Variants in EFR3B observed in about 807,000 individuals in gnomAD.
The protein encoded by EFR3B is protein EFR3 homolog B.
A neutral mutation model predicts 104.7 loss-of-function variants in EFR3B; 64 were observed. The ratio of observed to expected loss-of-function variants is 0.61; its 90% CI spans 0.50 to 0.75. The LOEUF (loss-of-function observed/expected upper bound fraction) is 0.75, where lower values mean the gene tolerates loss of function less well. Ranked by LOEUF, EFR3B falls within the 30% of genes least tolerant of loss-of-function variation. EFR3B has a pLI of 0.00. For synonymous variants in EFR3B, 385 were observed against 417.9 expected (o/e 0.92, Z 0.96); for missense variants, 750 against 1,078.5 (o/e 0.70, Z 4.27).
chr2:25,058,762 G>GCC (rs1471096806), intron 1 of EFR3B, among the ~76,000 whole-genome samples: 2 of 114,734 alleles, frequency 1.7e-5, no homozygotes, highest in Admixed American at 8.0e-5. Context: ...CTGTCTCCCC[G>GCC]CGCCCCCCCC....
intron 1 of EFR3B, chr2:25,080,637 A>T: frequency 1.7e-6 from 1 of 599,004 alleles, no homozygotes; most frequent in Non-Finnish European, 3.0e-6. Flanking sequence ...CCAAACCAGC[A>T]CCATTTACTA....
chr2:25,139,984 G>A (rs1387344259), intron 16 of EFR3B, among the ~76,000 whole-genome samples: 1 of 152,172 alleles, frequency 6.6e-6, no homozygotes, highest in Admixed American at 6.6e-5. Context: ...AGTGCTTAGA[G>A]GTTGAATGAT....
chr2:25,113,281 AT>A (rs1312512629), intron 4 of EFR3B, among the ~76,000 whole-genome samples: 2 of 152,260 alleles, frequency 1.3e-5, no homozygotes, highest in Non-Finnish European at 2.9e-5. Flanking sequence ...ATGATCTTTC[AT>A]GATCTCATGC....
intron 19 of EFR3B, among the ~76,000 whole-genome samples, chr2:25,148,065 C>T (rs963339878): frequency 6.1e-5 from 9 of 147,802 alleles, no homozygotes; most frequent in Non-Finnish European, 1.2e-4. Context: ...ATGAGTAAAT[C>T]GTAGGTCTAA....
At chr2:25,059,381 GCCAA>G (rs1668116660) in intron 1 of EFR3B, among the ~76,000 whole-genome samples, 1 of 152,034 alleles carries the variant, frequency 6.6e-6, no homozygotes, top group Non-Finnish European at 1.5e-5. Context: ...ACCACACCCG[GCCAA>G]TATTCAGTCT....
At chr2:25,084,581 C>T (rs893806013) in intron 1 of EFR3B, among the ~76,000 whole-genome samples, 13 of 152,036 alleles carry the variant, frequency 8.6e-5, no homozygotes, top group Admixed American at 7.2e-4. Flanking sequence ...AGGCTGAGGA[C>T]GTGCCCGTGA....
At position 25,156,290 on chromosome 2, in the gene EFR3B, GTTTTTTTTTTTTTT is replaced by G. The variant is rs1034346702; in HGVS notation, c.*1962_*1975del. The G allele has an allele frequency of 1.4e-5, 1 of 71,752 alleles. No individual in the cohort carries two copies. The highest frequency in any genetic ancestry group is 5.6e-5 in the African/African-American group (1 of 17,866). The allele number at this position is 71,752 out of a possible 1,614,324, so 4.4% of individuals were successfully genotyped here. A position where few individuals can be genotyped will look rare whatever the true frequency, so the allele number is the denominator to read the frequency against. ...TGTGGGCACACAGCTTCTTTTTCTTGTTTTTTTTTTTTTTTTTTTTTTTTTGAGACACCGTCTCG... is the reference window on the plus strand; with the variant it reads ...TGTGGGCACACAGCTTCTTTTTCTTGTTTTTTTTTTTGAGACACCGTCTCG... On this transcript the variant is annotated 3_prime_UTR_variant, in exon 23 of 23. Coordinates refer to ENST00000403714, the MANE Select transcript of EFR3B (RefSeq NM_014971.2).
At position 25,136,052 on chromosome 2, in the gene EFR3B, C is replaced by T. The variant is rs549632562; in HGVS notation, c.1484+413C>T. On this transcript the variant is annotated intron_variant, in intron 13 of 22. Transcript: ENST00000403714. This position sits in a 1 kb window ranked among gnomAD's most constrained non-coding sequence, Gnocchi z 4.0. ...GAGAAAGGGGGTCAGGGCGGTGGCTCGTGCCTGTAATCTCACACTTTGAGA... is the reference window on the plus strand; with the variant it reads ...GAGAAAGGGGGTCAGGGCGGTGGCTTGTGCCTGTAATCTCACACTTTGAGA... Among the ~76,000 whole-genome samples the T allele has an allele frequency of 1.2e-4, 19 of 152,118 alleles. No individual in the cohort carries two copies. The East Asian group carries it at 3.7e-3, about 29-fold the overall frequency.
intron 5 of EFR3B, among the ~76,000 whole-genome samples, chr2:25,122,504 T>C (rs1253620624): frequency 6.6e-6 from 1 of 152,132 alleles, no homozygotes; most frequent in African/African-American, 2.4e-5. Context: ...GTTCACACTT[T>C]GGCTGATCCC....
intron 16 of EFR3B, among the ~76,000 whole-genome samples, chr2:25,140,798 T>C (rs1367089477): frequency 1.3e-5 from 2 of 152,090 alleles, no homozygotes; most frequent in African/African-American, 2.4e-5. Context: ...CCCAGCACTT[T>C]GGGAGGCCAA....
At chr2:25,051,543 C>A (rs1667868663) in intron 1 of EFR3B, among the ~76,000 whole-genome samples, 1 of 152,008 alleles carries the variant, frequency 6.6e-6, no homozygotes, top group African/African-American at 2.4e-5. Flanking sequence ...CACCGCATGG[C>A]CATTCATCAC....
chr2:25,098,837 T>TA (rs2149188669), intron 3 of EFR3B, among the ~76,000 whole-genome samples: 1 of 139,708 alleles, frequency 7.2e-6, no homozygotes, highest in South Asian at 2.8e-4. Context: ...GCCAATTTTT[T>TA]TTTTTTTTTT....
chr2:25,134,177 A>ATATATT (rs1246907184), intron 12 of EFR3B, among the ~76,000 whole-genome samples: 1 of 138,520 alleles, frequency 7.2e-6, no homozygotes, highest in African/African-American at 2.6e-5. Flanking sequence ...CTCAGTTTAT[A>ATATATT]TTTTTTTTTT....
At chr2:25,069,307 C>G (rs1321417816) in intron 1 of EFR3B, among the ~76,000 whole-genome samples, 1 of 152,194 alleles carries the variant, frequency 6.6e-6, no homozygotes, top group Admixed American at 6.5e-5. Context: ...CATCGCTTGT[C>G]TCTGGTGGCC....
chr2:25,130,193 G>A lies in EFR3B; in HGVS notation c.770+84G>A. The A allele has an allele frequency of 6.5e-7, 1 of 1,531,680 alleles. No homozygotes were observed. Among genetic ancestry groups the A allele is most frequent in the Non-Finnish European group, 8.8e-7 (1 of 1,132,894 alleles). The allele number at this position is 1,531,680 out of a possible 1,614,324, so 94.9% of individuals were successfully genotyped here. ...CCTGGCATCTCCTGGCTGGCTGGGG[G>A]GAAGGGGATATTACAGTTGTGGTGC... is the stretch of plus-strand genomic sequence containing the variant. On this transcript the variant is annotated intron_variant, in intron 7 of 22. Transcript: ENST00000403714. The surrounding 1 kb of genome is among the most constrained non-coding windows in gnomAD (Gnocchi z 4.6).
At chr2:25,092,875 T>C (rs1669171215) in intron 2 of EFR3B, 128 bp from the exon 3 acceptor site, 1 of 1,206,450 alleles carries the variant, frequency 8.3e-7, no homozygotes, top group African/African-American at 1.5e-5. Flanking sequence ...GAAACCCACA[T>C]GTGCTCCGGC....
At chr2:25,097,734 T>A (rs1669321403) in intron 3 of EFR3B, among the ~76,000 whole-genome samples, 1 of 152,216 alleles carries the variant, frequency 6.6e-6, no homozygotes, top group Non-Finnish European at 1.5e-5. Context: ...CCTTCTATTT[T>A]CCCTTCTCTT....
chr2:25,091,509 C>G (rs1015653678), intron 2 of EFR3B, 108 bp downstream of exon 2: 52 of 994,608 alleles, frequency 5.2e-5, no homozygotes, highest in Non-Finnish European at 7.4e-5. Flanking sequence ...GGCAGGGCCT[C>G]TCAGGGTCCC....
chr2:25,104,367 AAAAC>A (rs1445521305), intron 4 of EFR3B, among the ~76,000 whole-genome samples: 7 of 152,178 alleles, frequency 4.6e-5, no homozygotes, highest in Non-Finnish European at 8.8e-5. Flanking sequence ...TCCATCTCAA[AAAAC>A]AAACAAACAA....
Sources: allele counts gnomAD v4.1 joint callset (sites outside exome capture counted in the v4.1 genomes callset), GRCh38; gene constraint gnomAD v4.1.1; non-coding constraint Gnocchi (gnomAD v3.1); transcripts MANE v1.5; gene names NCBI Gene and HGNC (gene_info 2026-07-23, HGNC 2026-07-21).